Variants in SLC12A4 observed in about 807,000 individuals in gnomAD.
SLC12A4 encodes electroneutral potassium-chloride cotransporter 1.
Under a neutral mutation model 119.2 loss-of-function variants are expected in SLC12A4, and 84 were observed. The ratio of observed to expected loss-of-function variants is 0.70; its 90% CI spans 0.59 to 0.85. SLC12A4 has a LOEUF of 0.85. Among genes scored for constraint, SLC12A4 ranks in the 40% least tolerant of loss-of-function variants. The probability of loss-of-function intolerance (pLI) is 0.00; values close to 1 mark genes in which losing one functional copy is unlikely to be tolerated. For synonymous variants in SLC12A4, 599 were observed against 604.6 expected, an observed-to-expected ratio of 0.99 and a Z score of 0.14; for missense variants, 1,298 against 1,476.3, an observed-to-expected ratio of 0.88 and a Z score of 1.98.
At chr16:67,959,600 C>G (rs1051537064) in intron 3 of SLC12A4, among the ~76,000 whole-genome samples, 1 of 152,204 alleles carries the variant, frequency 6.6e-6, no homozygotes, top group Admixed American at 6.5e-5. Context: ...GTGCAGGGGA[C>G]GGATCCCCCT....
In SLC12A4 at chr16:67,950,320, C is replaced by G; in HGVS notation, c.1628G>C (p.Arg543Pro). Reference sequence around the variant, plus strand: ...ATGGGGGAGTGCAGAGGGGCTCACCCGGAGGAAGGGGATGATGTTGTCCTT... The same window carrying G: ...ATGGGGGAGTGCAGAGGGGCTCACCGGGAGGAAGGGGATGATGTTGTCCTT... ...IAKDNIIPFL[R>P]VFGHGKVNGE... Residue 543 changes from arginine to proline, a missense_variant and splice_region_variant, in exon 12 of 24, where the codon CGG becomes CCG. Physicochemically the swap from Arg to Pro is moderately radical, Grantham distance 103. Coordinates refer to ENST00000316341, the MANE Select transcript of SLC12A4 (RefSeq NM_005072.5). This position sits in a 1 kb window ranked among gnomAD's most constrained non-coding sequence, Gnocchi z 4.3. 2.5e-6 allele frequency: 4 copies of G among 1,613,398 alleles called. No homozygotes were observed. Among genetic ancestry groups the G allele is most frequent in the Non-Finnish European group, 3.4e-6 (4 of 1,179,826 alleles).
chr16:67,963,613 C>A, intron 1 of SLC12A4, 54 bp from the exon 2 acceptor site: 1 of 1,348,978 alleles, frequency 7.4e-7, no homozygotes, highest in Non-Finnish European at 1.0e-6. Flanking sequence ...CCAGCCTGGG[C>A]CCCTTCCCAG....
At chr16:67,966,953 G>A in intron 1 of SLC12A4, 1 of 1,369,986 alleles carries the variant, frequency 7.3e-7, no homozygotes, top group Non-Finnish European at 9.6e-7. Context: ...CAGCAGCTAG[G>A]CTCAGCTCTG....
chr16:67,946,933 G>A lies in SLC12A4; in HGVS notation c.2241+4C>T, dbSNP rs756071776. On this transcript the variant is annotated splice_donor_region_variant and intron_variant, in intron 17 of 23. Coordinates refer to ENST00000316341, the MANE Select transcript of SLC12A4 (RefSeq NM_005072.5). ...GCTCAGCTCTCCCTCCCCAAAGCAA[G>A]TACCTGCTCGGCGGCCTGAGCCTCG... 19 of 1,612,266 alleles carry A rather than the reference G, an allele frequency of 1.2e-5. No individual in the cohort carries two copies. In the East Asian group the frequency reaches 4.0e-4, roughly 34 times the overall value.
chr16:67,948,065 G>A lies in SLC12A4; in HGVS notation c.1843C>T (p.His615Tyr). Reference sequence around the variant, plus strand: ...CGTGTCAGAGGCATGGCTCACCAGTGATAGTACTTGAACCGGGGCCGCCAG... The same window carrying A: ...CGTGTCAGAGGCATGGCTCACCAGTAATAGTACTTGAACCGGGGCCGCCAG... Reference protein sequence around the residue: ...PNWRPRFKYYHWALSFLGMSL... With the variant: ...PNWRPRFKYYYWALSFLGMSL... Residue 615 changes from histidine (H) to tyrosine (Y), a missense_variant, in exon 14 of 24, where the codon CAC becomes TAC. Coordinates refer to ENST00000316341, the MANE Select transcript of SLC12A4 (RefSeq NM_005072.5). The A allele has an allele frequency of 6.2e-7, 1 of 1,613,032 alleles. No individual in the cohort carries two copies. Among genetic ancestry groups the A allele is most frequent in the Non-Finnish European group, 8.5e-7 (1 of 1,179,904 alleles).
rs769723834 is a variant in SLC12A4 at position 67,952,078 on chromosome 16, C to T, written c.918-41G>A. Reference sequence around the variant, plus strand: ...GCACCGGCACCTGCTCAGGTCAAAGCCCCTGCCTGTGCCCACCCTGCAGTC... The same window carrying T: ...GCACCGGCACCTGCTCAGGTCAAAGTCCCTGCCTGTGCCCACCCTGCAGTC... On this transcript the variant is annotated intron_variant, in intron 7 of 23. Coordinates refer to ENST00000316341, the MANE Select transcript of SLC12A4 (RefSeq NM_005072.5). 10 of 1,608,718 alleles carry T rather than the reference C, an allele frequency of 6.2e-6. No homozygotes were observed. The South Asian group carries it at 8.8e-5, about 14-fold the overall frequency.
Position 67,949,684 on chromosome 16 carries a change from C to T in SLC12A4, c.1748+116G>A, listed in dbSNP as rs2058391031. On this transcript the variant is annotated intron_variant, in intron 13 of 23. Transcript: ENST00000316341. The surrounding 1 kb of genome is among the most constrained non-coding windows in gnomAD (Gnocchi z 4.6). Reference sequence around the variant, plus strand: ...CTGAGCCCTGTCAGGCCACATCTCCCCATGCAGCCTGCCACATCTCCCAGC... The same window carrying T: ...CTGAGCCCTGTCAGGCCACATCTCCTCATGCAGCCTGCCACATCTCCCAGC... 1.4e-6 allele frequency: 1 copy of T among 689,988 alleles called. No individual in the cohort carries two copies. Among genetic ancestry groups the T allele is most frequent in the Admixed American group, 2.7e-5 (1 of 36,650 alleles). The allele number at this position is 689,988 out of a possible 1,614,324, so 42.7% of individuals were successfully genotyped here.
Position 67,943,881 on chromosome 16 carries a change from G to A in SLC12A4, c.*959C>T, listed in dbSNP as rs1021616469. ...CAGAAGGGCTTTGGCCAGGTCAGCT[G>A]CCAGGGGCTGGGGCCCAGGCTCCCC... On this transcript the variant is annotated 3_prime_UTR_variant, in exon 24 of 24. Coordinates refer to ENST00000316341, the MANE Select transcript of SLC12A4 (RefSeq NM_005072.5). The surrounding 1 kb of genome is among the most constrained non-coding windows in gnomAD (Gnocchi z 4.6). 24 of 1,433,282 alleles carry A rather than the reference G, an allele frequency of 1.7e-5. No homozygotes were observed. The African/African-American group carries it at 3.1e-4, about 19-fold the overall frequency. The allele number at this position is 1,433,282 out of a possible 1,614,324, so 88.8% of individuals were successfully genotyped here.
In SLC12A4 at chr16:67,968,611, G is replaced by T; in HGVS notation, c.-58C>A. 4 of 1,388,876 alleles carry T rather than the reference G, an allele frequency of 2.9e-6. No homozygotes were observed. Among genetic ancestry groups the T allele is most frequent in the Non-Finnish European group, 3.7e-6 (4 of 1,074,800 alleles). The allele number at this position is 1,388,876 out of a possible 1,614,324, so 86.0% of individuals were successfully genotyped here. ...CCAGCCGCCCGCCGCTGTCCCCGCCGCTGTCCCCGCCGCCCCGGGCCGACA... is the reference window on the plus strand; with the variant it reads ...CCAGCCGCCCGCCGCTGTCCCCGCCTCTGTCCCCGCCGCCCCGGGCCGACA... On this transcript the variant is annotated 5_prime_UTR_variant, in exon 1 of 24. Transcript: ENST00000316341.
chr16:67,957,802 G>A lies in SLC12A4; in HGVS notation c.490-6C>T, dbSNP rs968357060. The A allele has an allele frequency of 2.5e-6, 4 of 1,614,056 alleles. No individual in the cohort carries two copies. In the African/African-American group the frequency reaches 5.3e-5, roughly 22 times the overall value. On this transcript the variant is annotated splice_polypyrimidine_tract_variant and splice_region_variant and intron_variant, in intron 4 of 23. Coordinates refer to ENST00000316341, the MANE Select transcript of SLC12A4 (RefSeq NM_005072.5). ...GAGATGGCCGTCAGCAGGGTCTGTG[G>A]GAAGGAGGGCCTGGGTGAGCGGCTC...
At chr16:67,954,333 A>G (rs899804834) in intron 6 of SLC12A4, 2 of 395,308 alleles carry the variant, frequency 5.1e-6, no homozygotes, top group Non-Finnish European at 9.5e-6. Flanking sequence ...ATCACCACCA[A>G]GATCTGTCAC....
At position 67,951,039 on chromosome 16, in the gene SLC12A4, C is replaced by T. The variant is rs758204627; in HGVS notation, c.1319G>A (p.Arg440His). 7.4e-6 allele frequency: 12 copies of T among 1,613,918 alleles called. No homozygotes were observed. The highest frequency in any genetic ancestry group is 3.3e-5 in the Admixed American group (2 of 60,020). Residue 440 changes from arginine (R) to histidine (H), a missense_variant, in exon 10 of 24, where the codon CGC becomes CAC. Coordinates refer to ENST00000316341, the MANE Select transcript of SLC12A4 (RefSeq NM_005072.5). This position sits in a 1 kb window ranked among gnomAD's most constrained non-coding sequence, Gnocchi z 5.2. The part of the protein sequence containing the change: ...SVTGIMAGSN[R>H]SGDLRDAQKS... ...CTGGGCGTCACGAAGGTCCCCAGAG[C>T]GGTTTGAGCCAGCCATGATGCCTCC...
rs1433246715 is a variant in SLC12A4 at position 67,946,900 on chromosome 16, G to A, written c.2241+37C>T. 3.7e-6 allele frequency: 6 copies of A among 1,602,028 alleles called. No individual in the cohort carries two copies. In the Admixed American group the frequency reaches 8.4e-5, roughly 22 times the overall value. The stretch of plus-strand genomic sequence containing the variant: ...CGTGCCAGCTGCAGTCCAGACCCCT[G>A]TAGTCTGGCTCAGCTCTCCCTCCCC... On this transcript the variant is annotated intron_variant, in intron 17 of 23. Transcript: ENST00000316341.
rs2058340932 is a variant in SLC12A4, at chr16:67,945,962, C to T, written c.2728G>A (p.Val910Met). 1 of 1,613,670 alleles carries T rather than the reference C, an allele frequency of 6.2e-7. No individual in the cohort carries two copies. Among genetic ancestry groups the T allele is most frequent in the Non-Finnish European group, 8.5e-7 (1 of 1,179,654 alleles). The part of the protein sequence containing the change: ...YHLRLEAEVE[V>M]VEMHNSDISA... ...GGCAGAGGGCTCACCATCTCCACCA[C>T]CTCCACCTCGGCCTCAAGGCGCAGA... Residue 910 changes from valine to methionine, a missense_variant, in exon 20 of 24, where the codon GTG becomes ATG. Coordinates refer to ENST00000316341, the MANE Select transcript of SLC12A4 (RefSeq NM_005072.5).
chr16:67,960,403 C>T lies in SLC12A4; in HGVS notation c.342+1172G>A, dbSNP rs530804951. Among the ~76,000 whole-genome samples the T allele has an allele frequency of 5.9e-5, 9 of 152,196 alleles. No individual in the cohort carries two copies. The East Asian group carries it at 9.7e-4, about 16-fold the overall frequency. On this transcript the variant is annotated intron_variant, in intron 3 of 23. Transcript: ENST00000316341. ...GCACAGGGTCAGGGTCAGGTCTGTG[C>T]GACCTCAAGGTATCAGCTGCCCTCT...
chr16:67,968,633 G>C lies in SLC12A4; in HGVS notation c.-80C>G. 7.7e-7 allele frequency: 1 copy of C among 1,301,024 alleles called. No homozygotes were observed. The highest frequency in any genetic ancestry group is 9.7e-7 in the Non-Finnish European group (1 of 1,031,870). 80.6% of individuals were successfully genotyped at this position (1,301,024 alleles called of 1,614,324 possible). A position where few individuals can be genotyped will look rare whatever the true frequency, so the allele number is the denominator to read the frequency against. On this transcript the variant is annotated 5_prime_UTR_variant, in exon 1 of 24. Transcript: ENST00000316341. ...GCCGCTGTCCCCGCCGCCCCGGGCC[G>C]ACACGCCCCGCCCGCTCGCATTCCT...
At position 67,961,691 on chromosome 16, in the gene SLC12A4, G is replaced by A. The variant is rs771881675; in HGVS notation, c.226C>T (p.Arg76Cys). ...CCCAGAAGAGACGATACCTTTGGGCGGATGTCCAGCTCTTCCTGCAAACAG... is the reference window on the plus strand; with the variant it reads ...CCCAGAAGAGACGATACCTTTGGGCAGATGTCCAGCTCTTCCTGCAAACAG... ...LALFEEELDI[R>C]PKVSSLLGKL... Residue 76 changes from arginine (R) to cysteine (C), a missense_variant, in exon 3 of 24, where the codon CGC (arginine) becomes TGC (cysteine). Coordinates refer to ENST00000316341, the MANE Select transcript of SLC12A4 (RefSeq NM_005072.5). 1.2e-5 allele frequency: 19 copies of A among 1,613,974 alleles called. No individual in the cohort carries two copies. The highest frequency in any genetic ancestry group is 1.5e-5 in the Non-Finnish European group (18 of 1,179,988).
chr16:67,947,119 G>A lies in SLC12A4; in HGVS notation c.2073-14C>T. On this transcript the variant is annotated splice_polypyrimidine_tract_variant and intron_variant, in intron 16 of 23. Coordinates refer to ENST00000316341, the MANE Select transcript of SLC12A4 (RefSeq NM_005072.5). ...AGCAGCTGCGGCCTGCAGTGGCCGG[G>A]TGGGGGGAGCCTGAGACCAGGGCCG... 2.5e-6 allele frequency: 4 copies of A among 1,571,794 alleles called. No homozygotes were observed. Among genetic ancestry groups the A allele is most frequent in the Middle Eastern group, 2.2e-4 (1 of 4,614 alleles).
intron 1 of SLC12A4, 34 bp downstream of exon 1, chr16:67,968,405 T>C (rs1297509633): frequency 1.5e-5 from 23 of 1,528,644 alleles, no homozygotes; most frequent in East Asian, 2.7e-5. Context: ...CAGGCCCCGC[T>C]GCCCCGCCAC....
Sources: gnomAD v4.1 joint callset for allele counts (sites outside exome capture counted in the v4.1 genomes callset) on GRCh38, gnomAD v4.1.1 for gene constraint, Gnocchi (gnomAD v3.1) non-coding constraint, MANE v1.5 for transcripts, NCBI Gene and HGNC (gene_info 2026-07-23, HGNC 2026-07-21) for gene names.